Variants in PLEKHA1 observed in about 807,000 individuals in gnomAD.
PLEKHA1 encodes pleckstrin homology domain-containing family A member 1.
Under a neutral mutation model 52.0 loss-of-function variants are expected in PLEKHA1, and 34 were observed. The observed-to-expected ratio is 0.65, with a 90% CI of 0.50 to 0.87. The LOEUF (loss-of-function observed/expected upper bound fraction) is 0.87. PLEKHA1 is among the 40% of genes least tolerant of loss of function. The pLI is 0.00. For synonymous variants in PLEKHA1, 163 were observed against 170.7 expected, an observed-to-expected ratio of 0.95 and a Z score of 0.35; for missense variants, 497 against 504.2, an observed-to-expected ratio of 0.99 and a Z score of 0.14.
chr10:122,378,084 A>T (rs1248384217), intron 1 of PLEKHA1, among the ~76,000 whole-genome samples: 1 of 152,162 alleles, frequency 6.6e-6, no homozygotes, highest in African/African-American at 2.4e-5. Flanking sequence ...TAACCATTGA[A>T]CTCTAGATTC....
intron 1 of PLEKHA1, among the ~76,000 whole-genome samples, chr10:122,383,095 A>G (rs1380908276): frequency 6.6e-6 from 1 of 152,168 alleles, no homozygotes; most frequent in Non-Finnish European, 1.5e-5. Flanking sequence ...ATATCTGTAT[A>G]GTATAGATTT....
At chr10:122,437,990 G>A in the PLEKHA1 span, 1 of 152,220 alleles carries the variant, frequency 6.6e-6, no homozygotes, top group Non-Finnish European at 1.5e-5. Flanking sequence ...CAGACACGGT[G>A]GTTCACGCCT....
chr10:122,379,424 A>C (rs1476857798), intron 1 of PLEKHA1, among the ~76,000 whole-genome samples: 1 of 151,314 alleles, frequency 6.6e-6, no homozygotes, highest in African/African-American at 2.4e-5. Flanking sequence ...CTTTTCAAGT[A>C]GACACATGGG....
At chr10:122,434,879 C>T (rs1167082375), downstream of PLEKHA1, 1 of 151,280 alleles carries the variant, frequency 6.6e-6, no homozygotes, top group African/African-American at 2.4e-5. Context: ...TCATCCATGT[C>T]CCTACAAAGG....
At chr10:122,408,261 A>G (rs2097053627) in intron 5 of PLEKHA1, among the ~76,000 whole-genome samples, 1 of 152,194 alleles carries the variant, frequency 6.6e-6, no homozygotes, top group Admixed American at 6.5e-5. Flanking sequence ...AAAGTAGTGA[A>G]TGGTCTCAGG....
chr10:122,376,502 ATATATATAT>A (rs1248042143), intron 1 of PLEKHA1, among the ~76,000 whole-genome samples: 2 of 156 alleles, frequency 0.013, no homozygotes, highest in Non-Finnish European at 0.024. Flanking sequence ...CATTAAGAAG[ATATATATAT>A]ATATATATAT....
chr10:122,400,282 A>C, intron 3 of PLEKHA1, 61 bp from the exon 4 acceptor site: 1 of 1,361,516 alleles, frequency 7.3e-7, no homozygotes, highest in Non-Finnish European at 1.0e-6. Context: ...TACATAGTAT[A>C]TAAGGTTGGT....
At chr10:122,386,140 A>C (rs1384274225) in intron 1 of PLEKHA1, among the ~76,000 whole-genome samples, 1 of 152,164 alleles carries the variant, frequency 6.6e-6, no homozygotes, top group South Asian at 2.1e-4. Context: ...CTTTGACAGC[A>C]TTTAGTGTTG....
chr10:122,412,795 A>G, intron 5 of PLEKHA1, 125 bp from the exon 6 acceptor site: 1 of 987,470 alleles, frequency 1.0e-6, no homozygotes, highest in Non-Finnish European at 1.5e-6. Context: ...ACATACATGG[A>G]CTATAATTTT....
At chr10:122,440,299 T>C in the PLEKHA1 span, 1 of 152,232 alleles carries the variant, frequency 6.6e-6, no homozygotes, top group Non-Finnish European at 1.5e-5. Flanking sequence ...TCCTAGTGAA[T>C]AGCATTTGAA....
chr10:122,425,649 A>G (rs1479085588), intron 10 of PLEKHA1: 1 of 141,438 alleles, frequency 7.1e-6, no homozygotes, highest in African/African-American at 2.7e-5. Context: ...TGAACCCAGG[A>G]GGTGGTTACA....
chr10:122,422,495 T>C (rs1200823345), intron 8 of PLEKHA1: 1 of 152,228 alleles, frequency 6.6e-6, no homozygotes, highest in Non-Finnish European at 1.5e-5. Context: ...AACAGTGTCA[T>C]GTCTGTGGCT....
At chr10:122,381,576 T>C (rs118066715) in intron 1 of PLEKHA1, among the ~76,000 whole-genome samples, 1 of 152,338 alleles carries the variant, frequency 6.6e-6, no homozygotes, top group East Asian at 1.9e-4. Context: ...ACCATGATTG[T>C]AAGTTTCTTG....
Position 122,375,830 on chromosome 10 carries a change from A to G in PLEKHA1, c.-21+1024A>G, listed in dbSNP as rs553803131. On this transcript the variant is annotated intron_variant, in intron 1 of 11. Coordinates refer to ENST00000368990, the MANE Select transcript of PLEKHA1 (RefSeq NM_001001974.4). ...TGTTTGTTTCACCTTCCAATTCTGC[A>G]GTACTGGTTTTCTTATTTTACAATT... Among the ~76,000 whole-genome samples, 5 of 152,302 alleles carry G rather than the reference A, an allele frequency of 3.3e-5. No individual in the cohort carries two copies. In the South Asian group the frequency reaches 1.0e-3, roughly 32 times the overall value.
chr10:122,374,959 C>G (rs895725032), intron 1 of PLEKHA1, 153 bp downstream of exon 1: 2 of 152,118 alleles, frequency 1.3e-5, no homozygotes, highest in Non-Finnish European at 2.9e-5. Context: ...GCGGTGGGTG[C>G]TGGTGAGTGC....
Position 122,397,147 on chromosome 10 carries a change from G to A in PLEKHA1, c.142-771G>A, listed in dbSNP as rs532952799. Reference sequence around the variant, plus strand: ...AGTACAGAGCTGTGCATCTTCCATTGTTTGCTATAGTTTGTCCATTTTCTC... The same window carrying A: ...AGTACAGAGCTGTGCATCTTCCATTATTTGCTATAGTTTGTCCATTTTCTC... On this transcript the variant is annotated intron_variant, in intron 2 of 11. Coordinates refer to ENST00000368990, the MANE Select transcript of PLEKHA1 (RefSeq NM_001001974.4). 2.7e-4 allele frequency among the ~76,000 whole-genome samples: 41 copies of A among 151,982 alleles called. No individual in the cohort carries two copies. The East Asian group carries it at 5.2e-3, about 19-fold the overall frequency.
At chr10:122,399,312 T>C (rs988003666) in intron 3 of PLEKHA1, among the ~76,000 whole-genome samples, 2 of 152,142 alleles carry the variant, frequency 1.3e-5, no homozygotes. Context: ...GTTCTATCAC[T>C]GGACAACAGC....
At chr10:122,427,790 G>A (rs187904813) in intron 11 of PLEKHA1, among the ~76,000 whole-genome samples, 1 of 152,114 alleles carries the variant, frequency 6.6e-6, no homozygotes, top group African/African-American at 2.4e-5. Context: ...ATGTAACACT[G>A]CCATCTGCGG....
At chr10:122,423,849 CAA>C (rs377570113) in intron 8 of PLEKHA1, 54 of 205,366 alleles carry the variant, frequency 2.6e-4, no homozygotes, top group African/African-American at 1.2e-3. Context: ...CCTTGTATAT[CAA>C]AGTGACATTC....
Sources: allele counts gnomAD v4.1 joint callset (sites outside exome capture counted in the v4.1 genomes callset), GRCh38; gene constraint gnomAD v4.1.1; transcripts MANE v1.5; gene names NCBI Gene and HGNC (gene_info 2026-07-23, HGNC 2026-07-21).